NAALADL2: variants seen among roughly 807,000 people sequenced by gnomAD.
The protein encoded by NAALADL2 is inactive N-acetylated-alpha-linked acidic dipeptidase-like protein 2.
Under a neutral mutation model 87.2 loss-of-function variants are expected in NAALADL2, and 76 were observed. That is an observed-to-expected ratio of 0.87 (90% CI 0.72 to 1.05). The LOEUF is 1.05. Among genes scored for constraint, NAALADL2 ranks in the 50% least tolerant of loss-of-function variants. The pLI, the probability that NAALADL2 is intolerant of heterozygous loss-of-function variation, is 0.00. For synonymous variants in NAALADL2, 354 were observed against 331.0 expected (o/e 1.07, Z -0.75); for missense variants, 1,089 against 945.8 (o/e 1.15, Z -1.99).
intron 1 of NAALADL2, among the ~76,000 whole-genome samples, chr3:174,478,660 CAT>C (rs1339464045): frequency 1.3e-5 from 2 of 151,948 alleles, no homozygotes; most frequent in African/African-American, 4.8e-5. Flanking sequence ...TATTTTAAAA[CAT>C]ATTTTGATAT....
At chr3:175,624,599 T>C (rs7617982) in intron 10 of NAALADL2, among the ~76,000 whole-genome samples, 112,917 of 151,758 alleles carry the variant, frequency 0.74, 42,608 homozygotes, top group East Asian at 0.88. Flanking sequence ...CTAAAAAGTG[T>C]GATGTAACAA....
intron 13 of NAALADL2, among the ~76,000 whole-genome samples, chr3:175,758,567 A>C (rs2150141687): frequency 6.6e-6 from 1 of 152,170 alleles, no homozygotes; most frequent in South Asian, 2.1e-4. Context: ...TTGATAGATA[A>C]TTCACATTTC....
intron 10 of NAALADL2, among the ~76,000 whole-genome samples, chr3:175,604,189 T>C (rs1205488465): frequency 6.6e-6 from 1 of 152,124 alleles, no homozygotes; most frequent in Non-Finnish European, 1.5e-5. Context: ...AATGTCTCCA[T>C]AGCATTGCCA....
intron 11 of NAALADL2, among the ~76,000 whole-genome samples, chr3:175,732,295 T>TCAATGGA (rs1465524229): frequency 6.6e-6 from 1 of 152,130 alleles, no homozygotes; most frequent in Non-Finnish European, 1.5e-5. Flanking sequence ...ACGCAATAAC[T>TCAATGGA]CAATGGACTA....
chr3:175,323,949 T>C (rs1265253671), intron 4 of NAALADL2, among the ~76,000 whole-genome samples: 3 of 137,720 alleles, frequency 2.2e-5, no homozygotes, highest in South Asian at 2.3e-4. Flanking sequence ...ACCCGGGAGG[T>C]GGAGGTTGCA....
chr3:175,325,196 T>C (rs114645799), intron 5 of NAALADL2, among the ~76,000 whole-genome samples: 2,175 of 152,296 alleles, frequency 0.014, 62 homozygotes, highest in African/African-American at 0.05. Flanking sequence ...ACTGGTTATC[T>C]TACTCAAATC....
intron 11 of NAALADL2, among the ~76,000 whole-genome samples, chr3:175,690,978 G>A (rs1348560443): frequency 6.6e-6 from 1 of 151,388 alleles, no homozygotes; most frequent in Non-Finnish European, 1.5e-5. Flanking sequence ...ATTTTGAAAA[G>A]GTCTATTATT....
chr3:174,650,654 T>C (rs1048317126), intron 2 of NAALADL2, among the ~76,000 whole-genome samples: 1 of 152,068 alleles, frequency 6.6e-6, no homozygotes, highest in Non-Finnish European at 1.5e-5. Flanking sequence ...GAGAAATGAG[T>C]TTATGTTATA....
intron 3 of NAALADL2, among the ~76,000 whole-genome samples, chr3:174,770,849 A>G (rs76658267): frequency 2.9e-5 from 1 of 35,070 alleles, no homozygotes; most frequent in Non-Finnish European, 8.5e-5. Flanking sequence ...CGGTCTAACA[A>G]AAAAAAAAAA....
chr3:175,428,986 A>C (rs2149153114), intron 5 of NAALADL2, among the ~76,000 whole-genome samples: 1 of 152,186 alleles, frequency 6.6e-6, no homozygotes, highest in African/African-American at 2.4e-5. Flanking sequence ...CAGAGTATGA[A>C]GTAAAAGGGC....
chr3:175,341,304 T>C (rs1762545254), intron 5 of NAALADL2, among the ~76,000 whole-genome samples: 1 of 152,168 alleles, frequency 6.6e-6, no homozygotes, highest in Non-Finnish European at 1.5e-5. Flanking sequence ...ACTTTTAAGA[T>C]TCATTCATGT....
chr3:175,010,934 A>T (rs1483778370), intron 1 of NAALADL2, among the ~76,000 whole-genome samples: 1 of 152,156 alleles, frequency 6.6e-6, no homozygotes, highest in African/African-American at 2.4e-5. Flanking sequence ...CAAATTATGG[A>T]CAATTACATT....
intron 1 of NAALADL2, among the ~76,000 whole-genome samples, chr3:175,048,196 G>C (rs550598359): frequency 1.4e-4 from 21 of 151,830 alleles, no homozygotes; most frequent in African/African-American, 4.9e-4. Context: ...GGCAAAAAAT[G>C]TCAGGTAAAG....
intron 3 of NAALADL2, among the ~76,000 whole-genome samples, chr3:174,817,433 C>G (rs1320410393): frequency 6.6e-6 from 1 of 152,056 alleles, no homozygotes; most frequent in Admixed American, 6.6e-5. Flanking sequence ...GACACCATGT[C>G]TCTACAAAAA....
intron 13 of NAALADL2, among the ~76,000 whole-genome samples, chr3:175,776,997 C>T (rs1392556169): frequency 6.6e-6 from 1 of 151,834 alleles, no homozygotes; most frequent in Non-Finnish European, 1.5e-5. Flanking sequence ...AGAAAACATT[C>T]TCAGGCAACT....
chr3:175,370,066 T>C (rs565744912), intron 5 of NAALADL2, among the ~76,000 whole-genome samples: 197 of 152,256 alleles, frequency 1.3e-3, no homozygotes, highest in African/African-American at 4.5e-3. Flanking sequence ...CTGATCATGT[T>C]GCCACTGGAC....
At chr3:174,924,634 C>A (rs1009685906) in intron 1 of NAALADL2, among the ~76,000 whole-genome samples, 1 of 152,058 alleles carries the variant, frequency 6.6e-6, no homozygotes, top group South Asian at 2.1e-4. Context: ...GAGGAATCGC[C>A]ACACTGTCTT....
intron 11 of NAALADL2, among the ~76,000 whole-genome samples, chr3:175,647,968 C>A (rs528468975): frequency 1.3e-5 from 2 of 152,134 alleles, no homozygotes; most frequent in Admixed American, 6.6e-5. Context: ...ATCTGGGGTA[C>A]CCCCAGTAGA....
At chr3:174,507,014 T>A (rs1054415544) in intron 1 of NAALADL2, among the ~76,000 whole-genome samples, 17 of 152,046 alleles carry the variant, frequency 1.1e-4, no homozygotes, top group African/African-American at 3.9e-4. Flanking sequence ...CCTCTCAATA[T>A]CTGTTTATCT....
Sources: allele counts gnomAD v4.1 joint callset (sites outside exome capture counted in the v4.1 genomes callset), GRCh38; gene constraint gnomAD v4.1.1; transcripts MANE v1.5; gene names NCBI Gene and HGNC (gene_info 2026-07-23, HGNC 2026-07-21).